ANXA8: variants seen among roughly 807,000 people sequenced by gnomAD.
The protein encoded by ANXA8 is VAC-beta.
A neutral mutation model predicts 26.8 loss-of-function variants in ANXA8; 9 were observed. The observed-to-expected ratio is 0.34, with a 90% CI of 0.20 to 0.59. The LOEUF is 0.59. Ranked by LOEUF, ANXA8 falls within the 20% of genes least tolerant of loss-of-function variation. ANXA8 has a pLI of 0.84. For synonymous variants in ANXA8, 39 were observed against 94.8 expected (o/e 0.41, Z 3.42); for missense variants, 83 against 238.5 (o/e 0.35, Z 4.29).
chr10:47,779,016 T>C, the ANXA8 span, among the ~76,000 whole-genome samples: 1 of 151,642 alleles, frequency 6.6e-6, no homozygotes, highest in Non-Finnish European at 1.5e-5. Flanking sequence ...ATCAGTTATA[T>C]TTACACTACT....
chr10:47,743,482 G>C, the ANXA8 span, among the ~76,000 whole-genome samples: 2 of 132,770 alleles, frequency 1.5e-5, no homozygotes, highest in Admixed American at 7.8e-5. Context: ...TCAGGTCGTT[G>C]GTTATTTTGG....
intron 11 of ANXA8, among the ~76,000 whole-genome samples, 158 bp from the exon 12 acceptor site, chr10:47,469,064 T>A (rs1219681684): frequency 6.8e-6 from 1 of 147,730 alleles, no homozygotes; most frequent in Non-Finnish European, 1.5e-5. Context: ...CACCCCTCTT[T>A]CCTTGTTTTT....
At chr10:47,706,040 G>C in the ANXA8 span, among the ~76,000 whole-genome samples, 1 of 152,042 alleles carries the variant, frequency 6.6e-6, no homozygotes, top group Non-Finnish European at 1.5e-5. Context: ...TCGGTTCCGG[G>C]CGGTTGGGAG....
chr10:47,577,621 G>T, the ANXA8 span, among the ~76,000 whole-genome samples: 6 of 122,508 alleles, frequency 4.9e-5, no homozygotes, highest in East Asian at 1.3e-3. Context: ...TTACGGTGAG[G>T]TATGATCATA....
the ANXA8 span, among the ~76,000 whole-genome samples, chr10:47,652,669 G>T: frequency 3.6e-5 from 5 of 138,680 alleles, no homozygotes; most frequent in African/African-American, 1.5e-4. Flanking sequence ...TTTGGTAAAG[G>T]TTTAGTAACC....
the ANXA8 span, among the ~76,000 whole-genome samples, chr10:47,702,697 G>A: frequency 5.9e-5 from 9 of 151,636 alleles, no homozygotes; most frequent in Middle Eastern, 3.2e-3. Flanking sequence ...ACAGTGGTGC[G>A]ATCTCGGCTT....
chr10:47,600,043 G>T, the ANXA8 span, among the ~76,000 whole-genome samples: 1 of 149,566 alleles, frequency 6.7e-6, no homozygotes, highest in Non-Finnish European at 1.5e-5. Flanking sequence ...TCAAGGCAGA[G>T]AAATACATTG....
intron 1 of ANXA8, among the ~76,000 whole-genome samples, chr10:47,483,705 G>A (rs1398807388): frequency 6.8e-6 from 1 of 146,868 alleles, no homozygotes; most frequent in African/African-American, 2.6e-5. Flanking sequence ...CCTGTCTCCC[G>A]GCCCAGGTCC....
chr10:47,618,418 C>T, the ANXA8 span, among the ~76,000 whole-genome samples: 2 of 109,784 alleles, frequency 1.8e-5, no homozygotes, highest in Non-Finnish European at 4.0e-5. Flanking sequence ...CTTATGATTT[C>T]GTCAATAAAT....
chr10:47,666,690 A>G, the ANXA8 span, among the ~76,000 whole-genome samples: 1 of 151,780 alleles, frequency 6.6e-6, no homozygotes, highest in Non-Finnish European at 1.5e-5. Flanking sequence ...CTTATTTCCC[A>G]TATTCCATAC....
At chr10:47,625,066 G>A in the ANXA8 span, among the ~76,000 whole-genome samples, 2 of 40,734 alleles carry the variant, frequency 4.9e-5, 1 homozygote, top group East Asian at 5.9e-4. Flanking sequence ...ATTTGCAGAA[G>A]GAATGAATGC....
chr10:47,581,524 G>C, the ANXA8 span: 1 of 539,040 alleles, frequency 1.9e-6, no homozygotes, highest in South Asian at 1.4e-5. Flanking sequence ...TCCTGATTGT[G>C]CTGCTCAGTC....
At chr10:47,660,568 T>C in the ANXA8 span, among the ~76,000 whole-genome samples, 4 of 151,732 alleles carry the variant, frequency 2.6e-5, no homozygotes, top group African/African-American at 7.3e-5. Flanking sequence ...GCCTGGCTAA[T>C]TTTTGTATTT....
chr10:47,691,874 T>A, the ANXA8 span, among the ~76,000 whole-genome samples: 1 of 115,870 alleles, frequency 8.6e-6, no homozygotes. Context: ...CTTGGAAATA[T>A]GGAAAGGAAA....
chr10:47,606,200 G>A, the ANXA8 span, among the ~76,000 whole-genome samples: 2 of 137,834 alleles, frequency 1.5e-5, no homozygotes, highest in African/African-American at 5.9e-5. Context: ...AACCACATGG[G>A]TGAACATAAA....
chr10:47,894,616 C>T, the ANXA8 span, among the ~76,000 whole-genome samples: 1 of 80,318 alleles, frequency 1.2e-5, no homozygotes, highest in African/African-American at 4.2e-5. Context: ...CACACACACA[C>T]TACACACACC....
At chr10:47,521,892 C>T in the ANXA8 span, among the ~76,000 whole-genome samples, 843 of 122,220 alleles carry the variant, frequency 6.9e-3, no homozygotes, top group African/African-American at 9.7e-3. Flanking sequence ...GCAATTCTCC[C>T]GCCTCAGCCT....
At chr10:47,714,217 G>A in the ANXA8 span, among the ~76,000 whole-genome samples, 1 of 97,828 alleles carries the variant, frequency 1.0e-5, no homozygotes, top group Non-Finnish European at 1.9e-5. Context: ...TTTGTAATAA[G>A]ACAAGAAAGC....
the ANXA8 span, among the ~76,000 whole-genome samples, chr10:47,557,556 C>T: frequency 4.0e-5 from 6 of 150,400 alleles, no homozygotes; most frequent in African/African-American, 7.4e-5. Context: ...AGAGTGTTAA[C>T]GTATGAATAT....
Sources: gnomAD v4.1 joint callset for allele counts (sites outside exome capture counted in the v4.1 genomes callset) on GRCh38, gnomAD v4.1.1 for gene constraint, MANE v1.5 for transcripts, NCBI Gene and HGNC (gene_info 2026-07-23, HGNC 2026-07-21) for gene names.